The following ITM2A variants were observed in gnomAD, a reference collection of about 807,000 sequenced individuals.
ITM2A encodes the protein integral membrane protein 2A.
A neutral mutation model predicts 16.6 loss-of-function variants in ITM2A; 11 were observed. The ratio of observed to expected loss-of-function variants is 0.66; its 90% CI spans 0.42 to 1.10. ITM2A has a LOEUF of 1.10. Among genes scored for constraint, ITM2A ranks in the 50% least tolerant of loss-of-function variants. The pLI, the probability that ITM2A is intolerant of heterozygous loss-of-function variation, is 0.00. For missense variants in ITM2A, 243 were observed against 206.8 expected, an observed-to-expected ratio of 1.17 and a Z score of -1.07; for synonymous variants, 102 against 71.2, an observed-to-expected ratio of 1.43 and a Z score of -2.18.
In ITM2A at chrX:79,367,133, G is replaced by A. The variant is rs374837340; in HGVS notation, c.83C>T (p.Thr28Met). 6.7e-6 allele frequency: 8 copies of A among 1,201,159 alleles called. No homozygotes were observed. Among genetic ancestry groups the A allele is most frequent in the Middle Eastern group, 4.7e-4 (2 of 4,264 alleles). Residue 28 changes from threonine to methionine, a missense_variant, in exon 1 of 6, where the codon ACG becomes ATG. Coordinates refer to ENST00000373298, the MANE Select transcript of ITM2A (RefSeq NM_004867.5). The stretch of plus-strand genomic sequence containing the variant: ...GCCGGTCAGTATCTGAGTTCTGACC[G>A]TGCGGCTCAGGAGGGCCTCCACGTC... Reference protein sequence around the residue: ...RQDVEALLSRTVRTQILTGKE... With the variant: ...RQDVEALLSRMVRTQILTGKE...
Position 79,362,927 on chromosome X carries a change from G to A in ITM2A, c.441+15C>T. On this transcript the variant is annotated intron_variant, in intron 3 of 5. Transcript: ENST00000373298. ...AAAAAAAATCCTGGAATATTTATAA[G>A]AATGAGAAGCCCACCTTTTCAAAGT... 1.7e-6 allele frequency: 2 copies of A among 1,161,295 alleles called. No homozygotes were observed. Among genetic ancestry groups the A allele is most frequent in the South Asian group, 3.6e-5 (2 of 54,883 alleles).
At position 79,367,232 on chromosome X, in the gene ITM2A, G is replaced by A; in HGVS notation, c.-17C>T. Reference sequence around the variant, plus strand: ...TTTCACCATAGTGAATCTTCGGGCTGCGCGGTAAGGCGCTGCTGGAATCAG... The same window carrying A: ...TTTCACCATAGTGAATCTTCGGGCTACGCGGTAAGGCGCTGCTGGAATCAG... On this transcript the variant is annotated 5_prime_UTR_variant, in exon 1 of 6. Coordinates refer to ENST00000373298, the MANE Select transcript of ITM2A (RefSeq NM_004867.5). 5.5e-6 allele frequency: 6 copies of A among 1,094,739 alleles called. No homozygotes were observed. The highest frequency in any genetic ancestry group is 3.9e-5 in the South Asian group (2 of 51,214). 90.2% of individuals were successfully genotyped at this position (1,094,739 alleles called of 1,213,427 possible). A position where few individuals can be genotyped will look rare whatever the true frequency, so the allele number is the denominator to read the frequency against.
chrX:79,365,317 T>G (rs907817354), intron 1 of ITM2A, among the ~76,000 whole-genome samples: 2 of 111,466 alleles, frequency 1.8e-5, no homozygotes, highest in Non-Finnish European at 3.8e-5. Context: ...TTCATTTACA[T>G]TTATTGGACT....
intron 1 of ITM2A, 131 bp downstream of exon 1, chrX:79,366,974 C>T (rs1368149808): frequency 4.3e-6 from 2 of 460,543 alleles, no homozygotes; most frequent in Non-Finnish European, 7.3e-6. Flanking sequence ...AGAACCGAGG[C>T]GACCGGGTAA....
At chrX:79,361,815 C>T (rs1925427135) in intron 4 of ITM2A, among the ~76,000 whole-genome samples, 1 of 105,509 alleles carries the variant, frequency 9.5e-6, no homozygotes, top group Non-Finnish European at 1.9e-5. Flanking sequence ...TGGCCTCCAG[C>T]TTTATCCATG....
chrX:79,362,698 G>C lies in ITM2A; in HGVS notation c.442-7C>G. On this transcript the variant is annotated splice_polypyrimidine_tract_variant and splice_region_variant and intron_variant, in intron 3 of 5. Transcript: ENST00000373298. ...CCAGGTAAGCAGTCATTCCCTGTTAGGTAGGGGAAAAAAGTCAGGTAAGAC... is the reference window on the plus strand; with the variant it reads ...CCAGGTAAGCAGTCATTCCCTGTTACGTAGGGGAAAAAAGTCAGGTAAGAC... 1 of 1,156,054 alleles carries C rather than the reference G, an allele frequency of 8.7e-7. No individual in the cohort carries two copies. Among genetic ancestry groups the C allele is most frequent in the South Asian group, 1.9e-5 (1 of 53,584 alleles).
rs755165723 is a variant in ITM2A, at chrX:79,361,444, T to C, written c.588A>G (p.Arg196=). The part of the protein sequence containing the change: ...GRYLPQTYVV[R]EDLVAVEEIR... ...TTTCCTCCACAGCAACTAGGTCTTCTCGAACCACATAAGTTTGAGGCAGAT... is the reference window on the plus strand; with the variant it reads ...TTTCCTCCACAGCAACTAGGTCTTCCCGAACCACATAAGTTTGAGGCAGAT... Residue 196 remains arginine, a synonymous_variant, in exon 5 of 6, where the codon CGA becomes CGG. Coordinates refer to ENST00000373298, the MANE Select transcript of ITM2A (RefSeq NM_004867.5). 7 of 1,205,772 alleles carry C rather than the reference T, an allele frequency of 5.8e-6. No homozygotes were observed. In the East Asian group the frequency reaches 1.8e-4, roughly 31 times the overall value.
rs1349459923 is a variant in ITM2A at position 79,360,595 on chromosome X, T to C, written c.*494A>G. 2 of 111,674 alleles carry C rather than the reference T, an allele frequency of 1.8e-5. No individual in the cohort carries two copies. Among genetic ancestry groups the C allele is most frequent in the Non-Finnish European group, 3.8e-5 (2 of 53,004 alleles). 9.2% of individuals were successfully genotyped at this position (111,674 alleles called of 1,213,427 possible). A position where few individuals can be genotyped will look rare whatever the true frequency, so the allele number is the denominator to read the frequency against. ...ACCTAACAGAACTGCAAAGATGTAA[T>C]TTCTAAATTCAAGAAAGTTGTACAA... On this transcript the variant is annotated 3_prime_UTR_variant, in exon 6 of 6. Transcript: ENST00000373298.
At position 79,362,561 on chromosome X, in the gene ITM2A, T is replaced by C. The variant is rs1375747206; in HGVS notation, c.552+20A>G. On this transcript the variant is annotated intron_variant, in intron 4 of 5. Coordinates refer to ENST00000373298, the MANE Select transcript of ITM2A (RefSeq NM_004867.5). ...TACTTGGAAATGCTTATATAAAAATTTGACTTCCAAAATACATACCGCCAG... is the reference window on the plus strand; with the variant it reads ...TACTTGGAAATGCTTATATAAAAATCTGACTTCCAAAATACATACCGCCAG... 11 of 976,300 alleles carry C rather than the reference T, an allele frequency of 1.1e-5. No individual in the cohort carries two copies. The highest frequency in any genetic ancestry group is 2.8e-5 in the Admixed American group (1 of 35,477). 80.5% of individuals were successfully genotyped at this position (976,300 alleles called of 1,213,427 possible). A position where few individuals can be genotyped will look rare whatever the true frequency, so the allele number is the denominator to read the frequency against.
In ITM2A at chrX:79,363,133, T is replaced by C. The variant is rs147712053; in HGVS notation, c.250A>G (p.Ile84Val). The change falls in exon 3 of 6, where the codon ATT (isoleucine) becomes GTT (valine). Residue 84 changes from isoleucine to valine, a missense_variant. Physicochemically the swap from Ile to Val is conservative, Grantham distance 29. Coordinates refer to ENST00000373298, the MANE Select transcript of ITM2A (RefSeq NM_004867.5). ...AAAAAGCACATCTCTCCACGGTAAA[T>C]GGTGCTCTAAAAGACAAAAAGGGAA... ...IYKYFMPKST[I>V]YRGEMCFFDS... The C allele has an allele frequency of 4.1e-4, 497 of 1,199,983 alleles. No homozygotes were observed. The highest frequency in any genetic ancestry group is 4.8e-4 in the Non-Finnish European group (428 of 888,531).
intron 3 of ITM2A, 49 bp downstream of exon 3, chrX:79,362,893 G>C (rs749243449): frequency 5.0e-6 from 5 of 993,003 alleles, no homozygotes; most frequent in Non-Finnish European, 7.1e-6. Context: ...AAAAAAGAGA[G>C]AGAGAGAGAA....
Position 79,363,409 on chromosome X carries a change from A to C in ITM2A, c.243+14T>G. The C allele has an allele frequency of 9.4e-7, 1 of 1,066,864 alleles. No individual in the cohort carries two copies. Among genetic ancestry groups the C allele is most frequent in the Non-Finnish European group, 1.2e-6 (1 of 809,611 alleles). The allele number at this position is 1,066,864 out of a possible 1,213,427, so 87.9% of individuals were successfully genotyped here. A position where few individuals can be genotyped will look rare whatever the true frequency, so the allele number is the denominator to read the frequency against. On this transcript the variant is annotated intron_variant, in intron 2 of 5. Transcript: ENST00000373298. ...AGTAATCCAAAGTATAATAATTATA[A>C]TTATTATTATTACCTTGGGCATGAA...
At chrX:79,363,833 C>T (rs5959319) in intron 1 of ITM2A, among the ~76,000 whole-genome samples, 18,373 of 110,540 alleles carry the variant, frequency 0.17, 1,097 homozygotes, top group South Asian at 0.46. Context: ...TTAAAATTAC[C>T]ATTTATTTAT....
intron 4 of ITM2A, among the ~76,000 whole-genome samples, chrX:79,361,805 T>C (rs1925426670): frequency 9.1e-6 from 1 of 109,663 alleles, no homozygotes; most frequent in African/African-American, 3.3e-5. Flanking sequence ...GTAAGGATAA[T>C]GGCCTCCAGC....
At chrX:79,366,720 C>CT (rs1467904324) in intron 1 of ITM2A, 1 of 132,222 alleles carries the variant, frequency 7.6e-6, no homozygotes, top group Non-Finnish European at 1.5e-5. Flanking sequence ...TGTGTCCCCT[C>CT]TGTCCCTGGG....
intron 1 of ITM2A, 93 bp downstream of exon 1, chrX:79,367,012 G>A (rs990607691): frequency 3.3e-6 from 2 of 609,775 alleles, no homozygotes; most frequent in Middle Eastern, 5.1e-4. Context: ...AGAGGAGCAA[G>A]AGGGGCCCTC....
Position 79,361,101 on chromosome X carries a change from G to C in ITM2A, c.780C>G (p.Ile260Met). The C allele has an allele frequency of 1.7e-6, 2 of 1,184,333 alleles. No individual in the cohort carries two copies. Among genetic ancestry groups the C allele is most frequent in the Non-Finnish European group, 1.1e-6 (1 of 871,796 alleles). ...TATCTGTTGCCTCTTACTCTTGACA[G>C]ATCTTGGTCTCAACAATAAATTCGT... ...FPNEFIVETK[I>M]CQE The change falls in exon 6 of 6, where the codon ATC becomes ATG. Residue 260 changes from isoleucine (I) to methionine (M), a missense_variant. Physicochemically the swap from Ile to Met is conservative, Grantham distance 10 (BLOSUM62 1). Transcript: ENST00000373298.
In ITM2A at chrX:79,361,401, G is replaced by C; in HGVS notation, c.631C>G (p.Leu211Val). 1 of 1,207,222 alleles carries C rather than the reference G, an allele frequency of 8.3e-7. No homozygotes were observed. The highest frequency in any genetic ancestry group is 1.1e-6 in the Non-Finnish European group (1 of 891,331). Residue 211 changes from leucine to valine, a missense_variant, in exon 5 of 6, where the codon CTT (leucine) becomes GTT (valine). Physicochemically the swap from Leu to Val is conservative, Grantham distance 32. Transcript: ENST00000373298. Reference protein sequence around the residue: ...AVEEIRDVSNLGIFIYQLCNN... With the variant: ...AVEEIRDVSNVGIFIYQLCNN... The stretch of plus-strand genomic sequence containing the variant: ...CAAAGTTGGTAAATAAAGATGCCAA[G>C]GTTACTAACATCACGAATTTCCTCC...
rs1160347814 is a variant in ITM2A at position 79,360,647 on chromosome X, G to A, written c.*442C>T. 2.7e-5 allele frequency: 3 copies of A among 111,381 alleles called. No homozygotes were observed. Among genetic ancestry groups the A allele is most frequent in the Admixed American group, 1.9e-4 (2 of 10,432 alleles). The allele number at this position is 111,381 out of a possible 1,213,427, so 9.2% of individuals were successfully genotyped here. Reference sequence around the variant, plus strand: ...ATGAAAAACAAAAGAAACCAACAATGTTGAGATCTGATATATTTTACACAA... The same window carrying A: ...ATGAAAAACAAAAGAAACCAACAATATTGAGATCTGATATATTTTACACAA... On this transcript the variant is annotated 3_prime_UTR_variant, in exon 6 of 6. Coordinates refer to ENST00000373298, the MANE Select transcript of ITM2A (RefSeq NM_004867.5).
Sources: allele counts gnomAD v4.1 joint callset (sites outside exome capture counted in the v4.1 genomes callset), GRCh38; gene constraint gnomAD v4.1.1; transcripts MANE v1.5; gene names NCBI Gene and HGNC (gene_info 2026-07-23, HGNC 2026-07-21).